SIPA1L1: variants seen among roughly 807,000 people sequenced by gnomAD.
SIPA1L1 encodes signal induced proliferation associated 1 like 1.
A neutral mutation model predicts 162.7 loss-of-function variants in SIPA1L1; 26 were observed. That is an observed-to-expected ratio of 0.16 (90% CI 0.12 to 0.22). The LOEUF (loss-of-function observed/expected upper bound fraction) is 0.22, where lower values mean the gene tolerates loss of function less well. Among genes scored for constraint, SIPA1L1 ranks in the 10% least tolerant of loss-of-function variants. SIPA1L1 has a pLI of 1.00. For synonymous variants in SIPA1L1, 829 were observed against 837.4 expected (o/e 0.99, Z 0.17); for missense variants, 1,874 against 2,241.0 (o/e 0.84, Z 3.31).
chr14:71,379,670 C>T (rs1313268751), intron 2 of SIPA1L1: 7 of 152,226 alleles, frequency 4.6e-5, no homozygotes, highest in African/African-American at 1.7e-4. Flanking sequence ...TCAGTGTTAT[C>T]TTCTGCCATG....
At chr14:71,466,718 A>G (rs189887948) in intron 2 of SIPA1L1, among the ~76,000 whole-genome samples, 1 of 152,270 alleles carries the variant, frequency 6.6e-6, no homozygotes, top group Non-Finnish European at 1.5e-5. Context: ...TTTCTTAAGT[A>G]GTATTTATTG....
chr14:71,644,974 A>G (rs1302618276), intron 7 of SIPA1L1, among the ~76,000 whole-genome samples: 4 of 152,240 alleles, frequency 2.6e-5, no homozygotes, highest in East Asian at 1.9e-4. Context: ...TAGATTTGTT[A>G]TTTTACAGTT....
chr14:71,514,549 T>A (rs143046362), intron 3 of SIPA1L1, among the ~76,000 whole-genome samples: 1 of 152,178 alleles, frequency 6.6e-6, no homozygotes, highest in Non-Finnish European at 1.5e-5. Flanking sequence ...CTGCAACTTA[T>A]TGTTATTTTA....
At chr14:71,605,326 G>T (rs1453779843) in intron 5 of SIPA1L1, among the ~76,000 whole-genome samples, 1 of 151,994 alleles carries the variant, frequency 6.6e-6, no homozygotes, top group Non-Finnish European at 1.5e-5. Context: ...GTATTTCACT[G>T]AGCTTCATTA....
chr14:71,422,278 T>G (rs776225148), intron 2 of SIPA1L1, among the ~76,000 whole-genome samples: 1 of 152,176 alleles, frequency 6.6e-6, no homozygotes, highest in Non-Finnish European at 1.5e-5. Context: ...TTTGTAGTTA[T>G]TTTAACTTTT....
intron 2 of SIPA1L1, among the ~76,000 whole-genome samples, chr14:71,441,138 A>G (rs1353109893): frequency 6.6e-6 from 1 of 152,184 alleles, no homozygotes; most frequent in East Asian, 1.9e-4. Context: ...TGGTGAGTTC[A>G]TGGCTTTGAG....
chr14:71,541,538 G>A (rs968657286), intron 4 of SIPA1L1, among the ~76,000 whole-genome samples: 13 of 152,196 alleles, frequency 8.5e-5, no homozygotes, highest in African/African-American at 3.1e-4. Context: ...AAGGTGAGAG[G>A]ATTGCTTGAG....
At chr14:71,519,833 A>G (rs1425708084) in intron 3 of SIPA1L1, among the ~76,000 whole-genome samples, 1 of 151,932 alleles carries the variant, frequency 6.6e-6, no homozygotes, top group African/African-American at 2.4e-5. Flanking sequence ...TCTTATGGAA[A>G]AAAAAGATTG....
Position 71,709,380 on chromosome 14 carries a change from C to T in SIPA1L1, c.3924C>T (p.Asp1308=), listed in dbSNP as rs371441043. 3.1e-6 allele frequency: 5 copies of T among 1,614,134 alleles called. No homozygotes were observed. The African/African-American group carries it at 4.0e-5, about 13-fold the overall frequency. ...GCACCTCTGCTGACAGTGGCATTGA[C>T]ACCACCTCTTATGGCCCCAGCCACG... is the stretch of plus-strand genomic sequence containing the variant. ...LQGTSADSGI[D]TTSYGPSHGS... The change falls in exon 17 of 24, where the codon GAC becomes GAT. Residue 1308 remains aspartate (D), a synonymous_variant. Transcript: ENST00000381232.
chr14:71,711,001 T>C (rs972533813), intron 17 of SIPA1L1, among the ~76,000 whole-genome samples: 1 of 152,174 alleles, frequency 6.6e-6, no homozygotes, highest in Non-Finnish European at 1.5e-5. Flanking sequence ...TGTTTTCTCA[T>C]GGAGTCTCTA....
chr14:71,579,629 T>G (rs2033634175), intron 4 of SIPA1L1, among the ~76,000 whole-genome samples: 1 of 152,230 alleles, frequency 6.6e-6, no homozygotes. Flanking sequence ...TGGAGTAATT[T>G]TAATGTTTTT....
intron 7 of SIPA1L1, among the ~76,000 whole-genome samples, chr14:71,647,143 C>T (rs1376466969): frequency 2.0e-5 from 3 of 152,072 alleles, no homozygotes; most frequent in African/African-American, 2.4e-5. Flanking sequence ...CACATTGTCA[C>T]CTTTGAGGAT....
intron 2 of SIPA1L1, among the ~76,000 whole-genome samples, chr14:71,435,750 T>G (rs1267931767): frequency 6.6e-6 from 1 of 152,328 alleles, no homozygotes; most frequent in East Asian, 1.9e-4. Context: ...GGAATCGCCA[T>G]GCTGTCCTCC....
intron 5 of SIPA1L1, among the ~76,000 whole-genome samples, chr14:71,615,632 A>C (rs540154857): frequency 1.3e-5 from 2 of 152,276 alleles, no homozygotes; most frequent in East Asian, 1.9e-4. Context: ...ACGGGGAGCT[A>C]TATAGGTTTC....
intron 2 of SIPA1L1, among the ~76,000 whole-genome samples, chr14:71,459,952 A>G (rs921481233): frequency 1.3e-5 from 2 of 152,210 alleles, no homozygotes; most frequent in Non-Finnish European, 2.9e-5. Flanking sequence ...AATTACGCCT[A>G]ACATAATACA....
At chr14:71,544,304 GTGTATATACATATA>G (rs71105787) in intron 4 of SIPA1L1, among the ~76,000 whole-genome samples, 22 of 150,422 alleles carry the variant, frequency 1.5e-4, no homozygotes, top group African/African-American at 4.9e-4. Context: ...TATATCATGT[GTGTATATACATATA>G]TGTATATACA....
intron 5 of SIPA1L1, among the ~76,000 whole-genome samples, chr14:71,618,001 T>G (rs1196330373): frequency 6.6e-6 from 1 of 152,228 alleles, no homozygotes; most frequent in East Asian, 1.9e-4. Context: ...AACTTAATTT[T>G]GATCCCTATC....
At chr14:71,418,342 T>C (rs1469214385) in intron 2 of SIPA1L1, 5 of 152,196 alleles carry the variant, frequency 3.3e-5, no homozygotes, top group Admixed American at 6.5e-5. Context: ...TTGCCCACTT[T>C]CTTGACTGTC....
At chr14:71,477,482 C>T (rs1478896901) in intron 2 of SIPA1L1, among the ~76,000 whole-genome samples, 2 of 152,072 alleles carry the variant, frequency 1.3e-5, no homozygotes, top group Non-Finnish European at 2.9e-5. Flanking sequence ...ATAGAGCAGA[C>T]CATCTCTAAT....
Sources: gnomAD v4.1 joint callset for allele counts (sites outside exome capture counted in the v4.1 genomes callset) on GRCh38, gnomAD v4.1.1 for gene constraint, MANE v1.5 for transcripts, NCBI Gene and HGNC (gene_info 2026-07-23, HGNC 2026-07-21) for gene names.